The following CHCHD3 variants were observed in gnomAD, a reference collection of about 807,000 sequenced individuals.
The protein encoded by CHCHD3 is MICOS complex subunit MIC19.
In CHCHD3, 20 loss-of-function variants were observed where a neutral mutation model predicts 38.2. The observed-to-expected ratio is 0.52, with a 90% CI of 0.37 to 0.76. The LOEUF (loss-of-function observed/expected upper bound fraction) is 0.76. Among genes scored for constraint, CHCHD3 ranks in the 30% least tolerant of loss-of-function variants. CHCHD3 has a pLI of 0.00. For synonymous variants in CHCHD3, 82 were observed against 100.0 expected (o/e 0.82, Z 1.07); for missense variants, 245 against 279.2 (o/e 0.88, Z 0.87).
At chr7:133,045,916 G>T (rs1196421773) in intron 2 of CHCHD3, among the ~76,000 whole-genome samples, 1 of 152,006 alleles carries the variant, frequency 6.6e-6, no homozygotes, top group African/African-American at 2.4e-5. Context: ...TGCCATGATT[G>T]TAAGTTTCCC....
At chr7:132,898,119 TGA>T (rs1441495025) in intron 4 of CHCHD3, among the ~76,000 whole-genome samples, 3 of 151,946 alleles carry the variant, frequency 2.0e-5, no homozygotes, top group Admixed American at 1.3e-4. Context: ...ACCTTCGCGG[TGA>T]GTGTTACAGC....
chr7:132,826,228 A>T (rs1019956565), intron 6 of CHCHD3, among the ~76,000 whole-genome samples: 39 of 152,238 alleles, frequency 2.6e-4, no homozygotes, highest in African/African-American at 8.9e-4. Context: ...ATAAAAAATT[A>T]AAAATCTCAC....
chr7:132,905,097 G>A (rs1042254021), intron 4 of CHCHD3, among the ~76,000 whole-genome samples: 2 of 150,658 alleles, frequency 1.3e-5, no homozygotes, highest in Non-Finnish European at 3.0e-5. Context: ...GGGGCCTGTC[G>A]TGGGGTGGGG....
intron 2 of CHCHD3, among the ~76,000 whole-genome samples, chr7:133,053,968 T>C (rs1340394934): frequency 6.6e-6 from 1 of 152,224 alleles, no homozygotes; most frequent in East Asian, 1.9e-4. Context: ...AAAACTGCAT[T>C]AAACAATTTA....
At chr7:132,868,088 T>A (rs775740858) in intron 5 of CHCHD3, among the ~76,000 whole-genome samples, 22 of 152,228 alleles carry the variant, frequency 1.4e-4, no homozygotes, top group Non-Finnish European at 2.6e-4. Context: ...CTGTAACAAC[T>A]GCATACTTCA....
At chr7:132,899,690 C>G (rs1210682745) in intron 4 of CHCHD3, among the ~76,000 whole-genome samples, 1 of 152,102 alleles carries the variant, frequency 6.6e-6, no homozygotes, top group Non-Finnish European at 1.5e-5. Flanking sequence ...GTAGAAAAAG[C>G]AACAAAATAG....
intron 5 of CHCHD3, among the ~76,000 whole-genome samples, chr7:132,838,789 A>C (rs754071543): frequency 3.9e-5 from 6 of 152,212 alleles, no homozygotes; most frequent in Non-Finnish European, 1.5e-5. Context: ...TACCCTTGTA[A>C]GATCAAAGGA....
chr7:132,884,014 T>C (rs1809142694), intron 5 of CHCHD3, among the ~76,000 whole-genome samples: 2 of 152,150 alleles, frequency 1.3e-5, no homozygotes, highest in Admixed American at 1.3e-4. Context: ...ACCTTTAAAA[T>C]ACCGAACCAC....
chr7:133,000,169 T>C (rs7802619), intron 3 of CHCHD3, among the ~76,000 whole-genome samples: 67,638 of 151,918 alleles, frequency 0.45, 15,326 homozygotes, highest in East Asian at 0.55. Context: ...ATATGAGACC[T>C]TAATTGCCAC....
chr7:132,842,930 G>A (rs1478334649), intron 5 of CHCHD3, among the ~76,000 whole-genome samples: 2 of 152,116 alleles, frequency 1.3e-5, no homozygotes, highest in Non-Finnish European at 2.9e-5. Context: ...CTATACAAAT[G>A]GTCTGTTTCT....
intron 1 of CHCHD3, among the ~76,000 whole-genome samples, chr7:133,076,371 G>A (rs1814991568): frequency 6.6e-6 from 1 of 152,110 alleles, no homozygotes; most frequent in Non-Finnish European, 1.5e-5. Flanking sequence ...GCATGGTTCT[G>A]GCCAGAATCC....
At chr7:132,920,074 T>A (rs1810221952) in intron 4 of CHCHD3, among the ~76,000 whole-genome samples, 1 of 152,204 alleles carries the variant, frequency 6.6e-6, no homozygotes, top group African/African-American at 2.4e-5. Context: ...TCTCTATCCC[T>A]TTATTATAAC....
chr7:133,076,525 T>G (rs1418447086), intron 1 of CHCHD3, among the ~76,000 whole-genome samples: 1 of 152,154 alleles, frequency 6.6e-6, no homozygotes, highest in Non-Finnish European at 1.5e-5. Flanking sequence ...AAAGACAAAT[T>G]TAAGCAAACA....
chr7:132,785,726 T>C, intron 7 of CHCHD3, 66 bp from the exon 8 acceptor site: 2 of 1,464,550 alleles, frequency 1.4e-6, no homozygotes, highest in South Asian at 2.3e-5. Flanking sequence ...TGGCACTAAC[T>C]ATTTAGTATG....
At chr7:132,963,322 A>ATTT (rs1005146883) in intron 4 of CHCHD3, among the ~76,000 whole-genome samples, 42 of 87,574 alleles carry the variant, frequency 4.8e-4, no homozygotes, top group South Asian at 2.8e-3. Context: ...TAAAATTGTA[A>ATTT]TTTTTTTTTT....
At chr7:132,989,642 T>C (rs201184848) in intron 3 of CHCHD3, among the ~76,000 whole-genome samples, 2 of 152,342 alleles carry the variant, frequency 1.3e-5, no homozygotes, top group East Asian at 3.9e-4. Flanking sequence ...GAAAAATACA[T>C]TTATATTTGA....
intron 5 of CHCHD3, among the ~76,000 whole-genome samples, chr7:132,877,035 C>A (rs566390285): frequency 6.6e-6 from 1 of 152,174 alleles, no homozygotes; most frequent in East Asian, 1.9e-4. Context: ...TCTTGACAGC[C>A]TACATGGTAA....
chr7:132,918,906 C>T (rs976362152), intron 4 of CHCHD3, among the ~76,000 whole-genome samples: 2 of 152,100 alleles, frequency 1.3e-5, no homozygotes, highest in South Asian at 2.1e-4. Context: ...AGATAAGAAA[C>T]GCACAGGAGT....
chr7:133,054,648 T>C (rs549292725), intron 2 of CHCHD3, among the ~76,000 whole-genome samples: 37 of 152,304 alleles, frequency 2.4e-4, no homozygotes, highest in Admixed American at 1.8e-3. Flanking sequence ...CTCAGAGTTG[T>C]GCAACAATCA....
Sources: allele counts gnomAD v4.1 joint callset (sites outside exome capture counted in the v4.1 genomes callset), GRCh38; gene constraint gnomAD v4.1.1; transcripts MANE v1.5; gene names NCBI Gene and HGNC (gene_info 2026-07-23, HGNC 2026-07-21).